The following PPP2R2A variants were observed in gnomAD, a reference collection of about 807,000 sequenced individuals.
PPP2R2A encodes protein phosphatase 2 regulatory subunit Balpha.
Under a neutral mutation model 53.2 loss-of-function variants are expected in PPP2R2A, and 9 were observed. The observed-to-expected ratio is 0.17, with a 90% CI of 0.10 to 0.30. The LOEUF (loss-of-function observed/expected upper bound fraction) is 0.30, where lower values mean the gene tolerates loss of function less well. PPP2R2A is among the 10% of genes least tolerant of loss of function. The pLI is 1.00. For synonymous variants in PPP2R2A, 169 were observed against 174.2 expected, an observed-to-expected ratio of 0.97 and a Z score of 0.23; for missense variants, 235 against 534.6, an observed-to-expected ratio of 0.44 and a Z score of 5.53.
intron 2 of PPP2R2A, among the ~76,000 whole-genome samples, chr8:26,328,997 T>TA (rs1803233617): frequency 6.6e-6 from 1 of 152,218 alleles, no homozygotes. Flanking sequence ...CAGGGTTTCT[T>TA]ACACTTTATT....
chr8:26,317,660 G>C (rs1802624506), intron 2 of PPP2R2A, among the ~76,000 whole-genome samples: 1 of 152,192 alleles, frequency 6.6e-6, no homozygotes, highest in Admixed American at 6.5e-5. Context: ...TTTTGAACCA[G>C]TAAAAGGAGA....
intron 2 of PPP2R2A, among the ~76,000 whole-genome samples, chr8:26,337,665 C>A (rs1047469298): frequency 5.3e-5 from 8 of 152,174 alleles, no homozygotes; most frequent in Non-Finnish European, 8.8e-5. Flanking sequence ...ACTCAGGTAA[C>A]CACCGTGGTG....
chr8:26,327,951 G>A (rs1302517540), intron 2 of PPP2R2A, among the ~76,000 whole-genome samples: 2 of 152,156 alleles, frequency 1.3e-5, no homozygotes, highest in Admixed American at 1.3e-4. Flanking sequence ...GGAATGTTTC[G>A]ACAGTAGACC....
intron 4 of PPP2R2A, among the ~76,000 whole-genome samples, chr8:26,358,437 A>G (rs1412839498): frequency 6.6e-6 from 1 of 152,230 alleles, no homozygotes; most frequent in Non-Finnish European, 1.5e-5. Flanking sequence ...GAAAATCTGT[A>G]TGACTGAACT....
chr8:26,291,520 G>T lies in PPP2R2A; in HGVS notation c.-300G>T. 2.6e-6 allele frequency: 1 copy of T among 386,978 alleles called. No individual in the cohort carries two copies. The allele number at this position is 386,978 out of a possible 1,614,324, so 24.0% of individuals were successfully genotyped here. A position where few individuals can be genotyped will look rare whatever the true frequency, so the allele number is the denominator to read the frequency against. The stretch of plus-strand genomic sequence containing the variant: ...GACGTCACTGGCCAGGCCAGCCGGC[G>T]CCATTTTGAAAGTGGAGTCGCCTGC... On this transcript the variant is annotated 5_prime_UTR_variant, in exon 1 of 10. Coordinates refer to ENST00000380737, the MANE Select transcript of PPP2R2A (RefSeq NM_002717.4).
chr8:26,320,126 G>A (rs1563295004), intron 2 of PPP2R2A, among the ~76,000 whole-genome samples: 2 of 152,188 alleles, frequency 1.3e-5, no homozygotes, highest in African/African-American at 4.8e-5. Context: ...TTGACCCTTA[G>A]GCACTGTGCC....
intron 2 of PPP2R2A, chr8:26,298,740 T>A (rs1417213111): frequency 6.6e-6 from 1 of 152,240 alleles, no homozygotes; most frequent in East Asian, 1.9e-4. Flanking sequence ...CAATGGCCAG[T>A]GTTGCCCCAT....
At chr8:26,310,865 G>A (rs1802260375) in intron 2 of PPP2R2A, among the ~76,000 whole-genome samples, 1 of 151,880 alleles carries the variant, frequency 6.6e-6, no homozygotes, top group Non-Finnish European at 1.5e-5. Flanking sequence ...GAGCCTTTTT[G>A]TGTTCTTTGT....
At chr8:26,310,918 TCA>T (rs1174510765) in intron 2 of PPP2R2A, among the ~76,000 whole-genome samples, 2 of 152,188 alleles carry the variant, frequency 1.3e-5, no homozygotes, top group African/African-American at 4.8e-5. Flanking sequence ...ATTTGTAGTA[TCA>T]CAGCCCTTTT....
At chr8:26,325,089 G>T (rs1265622668) in intron 2 of PPP2R2A, among the ~76,000 whole-genome samples, 1 of 150,984 alleles carries the variant, frequency 6.6e-6, no homozygotes, top group Non-Finnish European at 1.5e-5. Context: ...GGGGACTGTT[G>T]GGAAGGCATG....
chr8:26,359,004 C>T (rs895098182), intron 4 of PPP2R2A: 2 of 452,498 alleles, frequency 4.4e-6, no homozygotes, highest in Middle Eastern at 3.3e-4. Flanking sequence ...ATTGTCTTAA[C>T]CAAATGACCC....
Position 26,362,135 on chromosome 8 carries a change from G to A in PPP2R2A, c.638-549G>A, listed in dbSNP as rs543045617. ...TAGAAAAAGAAAGATTAAAGATTACGATTAGATTAAGATTAGAAAAAGAAA... is the reference window on the plus strand; with the variant it reads ...TAGAAAAAGAAAGATTAAAGATTACAATTAGATTAAGATTAGAAAAAGAAA... On this transcript the variant is annotated intron_variant, in intron 6 of 9. Coordinates refer to ENST00000380737, the MANE Select transcript of PPP2R2A (RefSeq NM_002717.4). The surrounding 1 kb of genome is among the most constrained non-coding windows in gnomAD (Gnocchi z 4.4). Among the ~76,000 whole-genome samples the A allele has an allele frequency of 4.0e-4, 60 of 151,404 alleles. No individual in the cohort carries two copies. The highest frequency in any genetic ancestry group is 2.4e-3 in the Admixed American group (36 of 15,208).
intron 2 of PPP2R2A, among the ~76,000 whole-genome samples, chr8:26,297,362 C>T (rs942597271): frequency 6.6e-6 from 1 of 152,120 alleles, no homozygotes; most frequent in Non-Finnish European, 1.5e-5. Flanking sequence ...CCTGCCTCGG[C>T]CTCCCAAAGT....
chr8:26,368,419 G>A (rs1805492510), intron 9 of PPP2R2A, among the ~76,000 whole-genome samples: 2 of 152,150 alleles, frequency 1.3e-5, no homozygotes, highest in South Asian at 2.1e-4. Context: ...TCAAACTTAC[G>A]AAGTTTTGTT....
intron 1 of PPP2R2A, chr8:26,293,383 T>A (rs1026781647): frequency 2.9e-6 from 3 of 1,018,522 alleles, no homozygotes; most frequent in Non-Finnish European, 4.3e-6. Context: ...CTTGCCTGAA[T>A]GTAAGGCTTT....
At chr8:26,351,079 G>A (rs1019428111) in intron 3 of PPP2R2A, among the ~76,000 whole-genome samples, 3 of 152,028 alleles carry the variant, frequency 2.0e-5, no homozygotes, top group African/African-American at 7.2e-5. Flanking sequence ...TTTTTGAATA[G>A]TATATTTTTA....
chr8:26,333,525 A>G, intron 2 of PPP2R2A: 2 of 1,220,004 alleles, frequency 1.6e-6, no homozygotes, highest in Non-Finnish European at 1.1e-6. Context: ...GGAATTATGA[A>G]ATCAAAGAGT....
At chr8:26,331,935 T>G (rs1187771373) in intron 2 of PPP2R2A, among the ~76,000 whole-genome samples, 1 of 152,230 alleles carries the variant, frequency 6.6e-6, no homozygotes, top group Non-Finnish European at 1.5e-5. Flanking sequence ...ATTGTTACTA[T>G]TTCACTGTAA....
chr8:26,352,587 T>C (rs1804575216), intron 3 of PPP2R2A, among the ~76,000 whole-genome samples: 1 of 152,220 alleles, frequency 6.6e-6, no homozygotes, highest in Non-Finnish European at 1.5e-5. Context: ...TTAGACAGAA[T>C]TTTCTCCTTT....
Sources: allele counts gnomAD v4.1 joint callset (sites outside exome capture counted in the v4.1 genomes callset), GRCh38; gene constraint gnomAD v4.1.1; non-coding constraint Gnocchi (gnomAD v3.1); transcripts MANE v1.5; gene names NCBI Gene and HGNC (gene_info 2026-07-23, HGNC 2026-07-21).